TENM3: variants seen among roughly 807,000 people sequenced by gnomAD.
The protein encoded by TENM3 is teneurin transmembrane protein 3.
In TENM3, 63 loss-of-function variants were observed where a neutral mutation model predicts 255.1. The observed-to-expected ratio is 0.25, with a 90% CI of 0.20 to 0.30. TENM3 has a LOEUF of 0.30. Ranked by LOEUF, TENM3 falls within the 10% of genes least tolerant of loss-of-function variation. TENM3 has a pLI of 1.00. For missense variants in TENM3, 2,929 were observed against 3,461.1 expected (o/e 0.85, Z 3.86); for synonymous variants, 1,306 against 1,322.3 (o/e 0.99, Z 0.27).
chr4:182,139,981 C>A (rs774467000), upstream of TENM3, among the ~76,000 whole-genome samples: 1 of 152,220 alleles, frequency 6.6e-6, no homozygotes, highest in Non-Finnish European at 1.5e-5. Flanking sequence ...ATAATGAAAG[C>A]ATGTTTTCCT....
the TENM3 span, among the ~76,000 whole-genome samples, chr4:182,091,551 T>G: frequency 6.6e-6 from 1 of 152,092 alleles, no homozygotes; most frequent in Non-Finnish European, 1.5e-5. Flanking sequence ...TGCTCAAACC[T>G]TTGAGATAAA....
chr4:181,985,974 T>C, the TENM3 span, among the ~76,000 whole-genome samples: 1 of 152,094 alleles, frequency 6.6e-6, no homozygotes, highest in South Asian at 2.1e-4. Context: ...GTTCTGGCAC[T>C]GTCCAAATAT....
the TENM3 span, among the ~76,000 whole-genome samples, chr4:181,487,747 GCA>G: frequency 6.6e-6 from 1 of 151,868 alleles, no homozygotes; most frequent in African/African-American, 2.4e-5. Flanking sequence ...TCTATTGAAG[GCA>G]CAGGGTCCAG....
chr4:181,637,908 G>A, the TENM3 span, among the ~76,000 whole-genome samples: 345 of 152,252 alleles, frequency 2.3e-3, no homozygotes, highest in African/African-American at 7.2e-3. Context: ...TGGGTAGATG[G>A]ATGAGTTGCT....
chr4:182,313,171 T>G (rs1362675433), intron 1 of TENM3, among the ~76,000 whole-genome samples: 1 of 152,032 alleles, frequency 6.6e-6, no homozygotes, highest in Non-Finnish European at 1.5e-5. Flanking sequence ...TGAAAAAATT[T>G]TTAATGCATT....
At chr4:182,549,844 C>T (rs998468572) in intron 3 of TENM3, among the ~76,000 whole-genome samples, 12 of 152,246 alleles carry the variant, frequency 7.9e-5, no homozygotes, top group Non-Finnish European at 1.3e-4. Flanking sequence ...GTTTTGCAGT[C>T]GCATTATAAA....
chr4:182,711,130 A>G (rs1758718955), intron 12 of TENM3, among the ~76,000 whole-genome samples: 1 of 152,184 alleles, frequency 6.6e-6, no homozygotes, highest in African/African-American at 2.4e-5. Flanking sequence ...TAACATCAAA[A>G]TATTACATTT....
the TENM3 span, among the ~76,000 whole-genome samples, chr4:181,864,393 G>A: frequency 1.4e-4 from 22 of 152,016 alleles, no homozygotes; most frequent in Non-Finnish European, 2.8e-4. Flanking sequence ...GTCTACTTGG[G>A]TGCCAATGGC....
At chr4:182,104,905 G>T in the TENM3 span, among the ~76,000 whole-genome samples, 1 of 151,984 alleles carries the variant, frequency 6.6e-6, no homozygotes, top group Admixed American at 6.6e-5. Flanking sequence ...TCAGCTTCAC[G>T]GTGTGTAAGA....
chr4:181,629,556 A>G, the TENM3 span, among the ~76,000 whole-genome samples: 968 of 152,268 alleles, frequency 6.4e-3, 13 homozygotes, highest in African/African-American at 0.022. Context: ...GGGCTGTTGA[A>G]TTTTGTCAAA....
chr4:181,910,029 C>G, the TENM3 span, among the ~76,000 whole-genome samples: 8 of 152,258 alleles, frequency 5.3e-5, no homozygotes, highest in East Asian at 1.5e-3. Flanking sequence ...TCATGTTACT[C>G]TTGCTACTTT....
chr4:182,548,434 C>T (rs1260079575), intron 3 of TENM3, among the ~76,000 whole-genome samples: 1 of 152,118 alleles, frequency 6.6e-6, no homozygotes, highest in Non-Finnish European at 1.5e-5. Context: ...AACTCCAACA[C>T]AGATCACTAA....
At chr4:181,696,290 A>G in the TENM3 span, among the ~76,000 whole-genome samples, 2 of 152,258 alleles carry the variant, frequency 1.3e-5, no homozygotes, top group East Asian at 1.9e-4. Context: ...AGAAGGCAAC[A>G]CGGCTTTCCA....
intron 18 of TENM3, among the ~76,000 whole-genome samples, chr4:182,741,779 A>G (rs1761625492): frequency 6.6e-6 from 1 of 152,154 alleles, no homozygotes; most frequent in Non-Finnish European, 1.5e-5. Flanking sequence ...TGATTTCTTT[A>G]TGTAAATTTG....
the TENM3 span, among the ~76,000 whole-genome samples, chr4:182,093,329 C>A: frequency 6.6e-6 from 1 of 152,232 alleles, no homozygotes; most frequent in Non-Finnish European, 1.5e-5. Flanking sequence ...AAGATGGTGG[C>A]AGGAGCAGTA....
At chr4:182,503,431 G>A (rs1423426467) in intron 3 of TENM3, among the ~76,000 whole-genome samples, 2 of 152,080 alleles carry the variant, frequency 1.3e-5, no homozygotes. Flanking sequence ...TTATTTGTGT[G>A]TATAGGTTAG....
the TENM3 span, among the ~76,000 whole-genome samples, chr4:181,707,931 C>T: frequency 6.6e-6 from 1 of 151,946 alleles, no homozygotes; most frequent in Non-Finnish European, 1.5e-5. Flanking sequence ...AAGGCTATAG[C>T]AGAAGTGAAC....
the TENM3 span, among the ~76,000 whole-genome samples, chr4:181,623,841 A>T: frequency 6.6e-6 from 1 of 152,232 alleles, no homozygotes; most frequent in African/African-American, 2.4e-5. Flanking sequence ...TTGAGACACA[A>T]AATGAGCTTA....
the TENM3 span, among the ~76,000 whole-genome samples, chr4:182,065,000 C>T: frequency 5.3e-5 from 8 of 151,126 alleles, no homozygotes; most frequent in Non-Finnish European, 1.0e-4. Context: ...TCTCACATTG[C>T]TATAAAGAAA....
Sources: allele counts gnomAD v4.1 joint callset (sites outside exome capture counted in the v4.1 genomes callset), GRCh38; gene constraint gnomAD v4.1.1; transcripts MANE v1.5; gene names NCBI Gene and HGNC (gene_info 2026-07-23, HGNC 2026-07-21).